INSL6: variants seen among roughly 807,000 people sequenced by gnomAD.
INSL6 encodes insulin-like peptide INSL6.
INSL6 carries 16 observed loss-of-function variants against 9.4 expected under a neutral mutation model. The observed-to-expected ratio is 1.70, with a 90% CI of 1.15 to 2.59. INSL6 has a LOEUF of 2.59. Among genes scored for constraint, INSL6 ranks in the 30% most tolerant of loss-of-function variants. The pLI is 0.00. For missense variants in INSL6, 391 were observed against 257.3 expected, an observed-to-expected ratio of 1.52 and a Z score of -3.56; for synonymous variants, 154 against 96.9, an observed-to-expected ratio of 1.59 and a Z score of -3.46.
At chr9:5,171,736 T>A (rs1825185864) in intron 1 of INSL6, among the ~76,000 whole-genome samples, 1 of 152,100 alleles carries the variant, frequency 6.6e-6, no homozygotes, top group South Asian at 2.1e-4. Flanking sequence ...GAACTCCTAT[T>A]CACAATTGCT....
intron 3 of INSL6, chr9:5,126,817 A>C (rs1433392716): frequency 7.0e-7 from 1 of 1,418,572 alleles, no homozygotes; most frequent in Non-Finnish European, 9.9e-7. Context: ...TTCTGAGACC[A>C]AAGTAGATTT....
intron 2 of INSL6, among the ~76,000 whole-genome samples, chr9:5,153,120 G>A (rs1048237577): frequency 2.6e-5 from 4 of 151,396 alleles, no homozygotes; most frequent in African/African-American, 9.7e-5. Flanking sequence ...AGCTGTTTGG[G>A]CAGACACTGA....
chr9:5,055,826 A>T, the INSL6 span: 1 of 1,561,850 alleles, frequency 6.4e-7, no homozygotes, highest in Non-Finnish European at 8.8e-7. Context: ...GTTTCATTTT[A>T]TAGTTCTCAG....
At chr9:4,995,963 A>T in the INSL6 span, among the ~76,000 whole-genome samples, 1 of 152,172 alleles carries the variant, frequency 6.6e-6, no homozygotes, top group Non-Finnish European at 1.5e-5. Flanking sequence ...ATTGTTAAAA[A>T]TTCACAGTAT....
chr9:5,030,873 GAA>G, the INSL6 span, among the ~76,000 whole-genome samples: 6 of 151,702 alleles, frequency 4.0e-5, no homozygotes, highest in African/African-American at 1.2e-4. Context: ...TATAATTATT[GAA>G]AAGACAATTG....
At chr9:5,002,255 C>G in the INSL6 span, among the ~76,000 whole-genome samples, 7 of 151,680 alleles carry the variant, frequency 4.6e-5, no homozygotes, top group Non-Finnish European at 1.0e-4. Context: ...TCATATCTTT[C>G]TTCTTTTCCA....
the INSL6 span, among the ~76,000 whole-genome samples, chr9:5,092,329 T>C: frequency 6.6e-6 from 1 of 152,082 alleles, no homozygotes; most frequent in Non-Finnish European, 1.5e-5. Flanking sequence ...TCTAGAAATA[T>C]TATTTAAATT....
chr9:5,037,252 G>A, the INSL6 span, among the ~76,000 whole-genome samples: 1 of 152,160 alleles, frequency 6.6e-6, no homozygotes. Context: ...TTTTTACACT[G>A]TTGGTGGGAC....
chr9:5,080,139 C>A, the INSL6 span: 3 of 1,026,704 alleles, frequency 2.9e-6, no homozygotes, highest in East Asian at 2.5e-5. Flanking sequence ...CCTGATTATT[C>A]AAATGATTTG....
chr9:5,145,200 C>G (rs1824577100), intron 2 of INSL6, among the ~76,000 whole-genome samples: 1 of 152,054 alleles, frequency 6.6e-6, no homozygotes, highest in Admixed American at 6.5e-5. Context: ...TGAAAAGGGT[C>G]TTATTTCTCG....
At chr9:5,032,069 C>T in the INSL6 span, among the ~76,000 whole-genome samples, 21 of 152,362 alleles carry the variant, frequency 1.4e-4, no homozygotes, top group Middle Eastern at 0.017. Flanking sequence ...TCTAATACTG[C>T]GCTATTCTAA....
intron 2 of INSL6, among the ~76,000 whole-genome samples, chr9:5,149,780 A>C (rs1156726469): frequency 6.6e-6 from 1 of 152,220 alleles, no homozygotes; most frequent in Non-Finnish European, 1.5e-5. Flanking sequence ...TGGCCAAAGC[A>C]ATCTTAAGCA....
At chr9:5,034,651 C>A in the INSL6 span, among the ~76,000 whole-genome samples, 541 of 151,944 alleles carry the variant, frequency 3.6e-3, 3 homozygotes, top group African/African-American at 0.013. Flanking sequence ...GGGTACATAA[C>A]GAAATGACGG....
the INSL6 span, among the ~76,000 whole-genome samples, chr9:5,067,840 A>G: frequency 2.0e-5 from 3 of 152,132 alleles, no homozygotes; most frequent in Non-Finnish European, 4.4e-5. Context: ...TATAGACAGT[A>G]ACAGACAGGT....
chr9:5,185,586 C>A lies in INSL6; in HGVS notation c.17G>T (p.Arg6Leu). Residue 6 changes from arginine (R) to leucine (L), a missense_variant, in exon 1 of 2, where the codon CGC (arginine) becomes CTC (leucine). Arg to Leu is a moderately radical substitution (Grantham distance 102). Coordinates refer to ENST00000381641, the MANE Select transcript of INSL6 (RefSeq NM_007179.3). ...GAGTCCAAGCCACAGCAGGGACAAG[C>A]GGAGGAGCCGCGGCATCCCTGTGAC... Reference protein sequence around the residue: MPRLLRLSLLWLGLLL... With the variant: MPRLLLLSLLWLGLLL... 6.2e-7 allele frequency: 1 copy of A among 1,613,034 alleles called. No individual in the cohort carries two copies. Among genetic ancestry groups the A allele is most frequent in the Non-Finnish European group, 8.5e-7 (1 of 1,179,846 alleles).
chr9:5,026,205 A>G, the INSL6 span, among the ~76,000 whole-genome samples: 2 of 152,140 alleles, frequency 1.3e-5, no homozygotes, highest in Admixed American at 1.3e-4. Flanking sequence ...TAAAGCTACA[A>G]TTTTTCCTCT....
At chr9:5,171,362 A>C (rs539953432) in intron 1 of INSL6, among the ~76,000 whole-genome samples, 10 of 152,286 alleles carry the variant, frequency 6.6e-5, no homozygotes, top group African/African-American at 2.4e-4. Flanking sequence ...TTTATGACAA[A>C]CCCACGGCCA....
chr9:5,040,869 CGCGGATCCGCGCCGCGCTGCTGAA>C, the INSL6 span: 2 of 239,468 alleles, frequency 8.4e-6, no homozygotes, highest in Non-Finnish European at 1.7e-5. Flanking sequence ...GGGGCCGGAG[CGCGGATCCGCGCCGCGCTGCTGAA>C]GCCTGGCCGG....
At chr9:5,129,639 C>CAATT (rs1442417605) in intron 3 of INSL6, among the ~76,000 whole-genome samples, 1 of 151,918 alleles carries the variant, frequency 6.6e-6, no homozygotes, top group Admixed American at 6.6e-5. Flanking sequence ...AAGAAAAAAA[C>CAATT]AATTAAAGTA....
Sources: gnomAD v4.1 joint callset for allele counts (sites outside exome capture counted in the v4.1 genomes callset) on GRCh38, gnomAD v4.1.1 for gene constraint, MANE v1.5 for transcripts, NCBI Gene and HGNC (gene_info 2026-07-23, HGNC 2026-07-21) for gene names.